COLEC12: variants seen among roughly 807,000 people sequenced by gnomAD.
COLEC12 encodes the protein collectin subfamily member 12.
Under a neutral mutation model 71.1 loss-of-function variants are expected in COLEC12, and 33 were observed. The observed-to-expected ratio is 0.46, with a 90% CI of 0.35 to 0.62. COLEC12 has a LOEUF of 0.62. COLEC12 is among the 20% of genes least tolerant of loss of function. The pLI, the probability that COLEC12 is intolerant of heterozygous loss-of-function variation, is 0.00. For missense variants in COLEC12, 765 were observed against 916.1 expected (o/e 0.84, Z 2.13); for synonymous variants, 350 against 353.0 (o/e 0.99, Z 0.10).
intron 2 of COLEC12, among the ~76,000 whole-genome samples, chr18:472,701 A>AAAAAAAAG (rs1555622344): frequency 6.9e-6 from 1 of 144,182 alleles, no homozygotes; most frequent in African/African-American, 2.6e-5. Flanking sequence ...AAAAAAAAAA[A>AAAAAAAAG]AAGAAGAAGA....
intron 2 of COLEC12, among the ~76,000 whole-genome samples, chr18:446,622 T>C (rs771297990): frequency 4.5e-4 from 68 of 151,424 alleles, no homozygotes; most frequent in Non-Finnish European, 7.2e-4. Context: ...GGTGGGAGAA[T>C]TGCTCGAGCC....
In COLEC12 at chr18:444,197, G is replaced by A. The variant is rs539187550; in HGVS notation, c.58+36510C>T. On this transcript the variant is annotated intron_variant, in intron 2 of 9. Transcript: ENST00000400256. ...AAACAAGTATGAGCAAGTATCCTTCGGAATGCACATATTTATTTATAAATT... is the reference window on the plus strand; with the variant it reads ...AAACAAGTATGAGCAAGTATCCTTCAGAATGCACATATTTATTTATAAATT... 7.9e-5 allele frequency among the ~76,000 whole-genome samples: 12 copies of A among 152,104 alleles called. No individual in the cohort carries two copies. In the South Asian group the frequency reaches 1.5e-3, roughly 18 times the overall value.
chr18:455,109 G>T (rs1916838171), intron 2 of COLEC12, among the ~76,000 whole-genome samples: 1 of 152,102 alleles, frequency 6.6e-6, no homozygotes, highest in Non-Finnish European at 1.5e-5. Flanking sequence ...CTTCAAGAAG[G>T]CCAGAGAGAA....
intron 1 of COLEC12, among the ~76,000 whole-genome samples, chr18:486,626 A>G (rs1015819338): frequency 1.3e-5 from 2 of 152,226 alleles, no homozygotes; most frequent in African/African-American, 4.8e-5. Flanking sequence ...GTTCCACACC[A>G]TGATGGTGAC....
intron 1 of COLEC12, among the ~76,000 whole-genome samples, chr18:482,145 T>C (rs560637616): frequency 6.6e-6 from 1 of 151,018 alleles, no homozygotes; most frequent in African/African-American, 2.4e-5. Context: ...AGATGGAATA[T>C]CGCTCTGTTG....
At chr18:365,721 CA>C (rs1182479265) in intron 2 of COLEC12, among the ~76,000 whole-genome samples, 4 of 152,106 alleles carry the variant, frequency 2.6e-5, no homozygotes, top group Non-Finnish European at 5.9e-5. Context: ...AATACACTGG[CA>C]AAAAATATTT....
At chr18:488,457 A>T (rs1006572365) in intron 1 of COLEC12, among the ~76,000 whole-genome samples, 6 of 152,188 alleles carry the variant, frequency 3.9e-5, no homozygotes, top group African/African-American at 1.4e-4. Flanking sequence ...AAATATGATC[A>T]CAGAAATAAA....
intron 3 of COLEC12, among the ~76,000 whole-genome samples, chr18:356,803 C>T (rs1014198722): frequency 6.6e-6 from 1 of 152,178 alleles, no homozygotes; most frequent in African/African-American, 2.4e-5. Context: ...AAAAATCCTG[C>T]CCTTACCCTA....
At chr18:371,244 T>TA (rs1190329138) in intron 2 of COLEC12, among the ~76,000 whole-genome samples, 2 of 152,238 alleles carry the variant, frequency 1.3e-5, no homozygotes, top group Non-Finnish European at 2.9e-5. Context: ...AGAACTGTGG[T>TA]AATGACAGTG....
intron 8 of COLEC12, 85 bp from the exon 9 acceptor site, chr18:321,892 A>G (rs1913715070): frequency 7.7e-7 from 1 of 1,304,206 alleles, no homozygotes; most frequent in Non-Finnish European, 1.1e-6. Context: ...ATATAAAAAA[A>G]CAAAATTGAA....
intron 2 of COLEC12, among the ~76,000 whole-genome samples, chr18:468,553 A>G (rs1227257580): frequency 1.3e-5 from 2 of 152,238 alleles, no homozygotes; most frequent in Non-Finnish European, 2.9e-5. Context: ...CACAGAGTGT[A>G]TATTCACATA....
At chr18:472,071 G>A (rs1038413117) in intron 2 of COLEC12, among the ~76,000 whole-genome samples, 4 of 152,156 alleles carry the variant, frequency 2.6e-5, no homozygotes, top group Non-Finnish European at 4.4e-5. Flanking sequence ...CTAGGTGCAA[G>A]GCACTACTCT....
At position 346,776 on chromosome 18, in the gene COLEC12, G is replaced by A. The variant is rs774671968; in HGVS notation, c.846C>T (p.Thr282=). The change falls in exon 5 of 10, where the codon ACC becomes ACT. Residue 282 remains threonine (T), a synonymous_variant. Transcript: ENST00000400256. The surrounding 1 kb of genome is among the most constrained non-coding windows in gnomAD (Gnocchi z 4.0). ...NSALAKANND[T]LEDMNSQLNS... ...TGAGCTGGCTGTTCATATCCTCCAG[G>A]GTGTCGTTGTTGGCTTTGGCCAACG... 2.5e-6 allele frequency: 4 copies of A among 1,614,214 alleles called. No homozygotes were observed. In the South Asian group the frequency reaches 4.4e-5, roughly 18 times the overall value.
chr18:354,755 C>G (rs1914593863), intron 3 of COLEC12, among the ~76,000 whole-genome samples: 1 of 151,856 alleles, frequency 6.6e-6, no homozygotes, highest in South Asian at 2.1e-4. Flanking sequence ...GTTGTATTAT[C>G]TTTTTTTTGG....
chr18:468,598 AT>A (rs746799006), intron 2 of COLEC12, among the ~76,000 whole-genome samples: 51 of 152,024 alleles, frequency 3.4e-4, no homozygotes, highest in African/African-American at 1.2e-3. Flanking sequence ...TGCTGAACTC[AT>A]TTTTTTTGGT....
chr18:452,706 T>C (rs1664950453), intron 2 of COLEC12, among the ~76,000 whole-genome samples: 1 of 152,216 alleles, frequency 6.6e-6, no homozygotes, highest in Non-Finnish European at 1.5e-5. Context: ...GACCCAAAGA[T>C]GGGCTCTCCA....
At chr18:427,486 G>A (rs2143666205) in intron 2 of COLEC12, among the ~76,000 whole-genome samples, 1 of 152,318 alleles carries the variant, frequency 6.6e-6, no homozygotes, top group African/African-American at 2.4e-5. Flanking sequence ...TTGATGGGCA[G>A]AGCTGACCTG....
chr18:497,383 G>GGGGTGTGTGT (rs373079894), intron 1 of COLEC12, among the ~76,000 whole-genome samples: 5 of 147,160 alleles, frequency 3.4e-5, no homozygotes, highest in Admixed American at 2.7e-4. Flanking sequence ...TAAAGAATGG[G>GGGGTGTGTGT]GTGTGTGTGT....
chr18:486,406 A>G (rs1917519326), intron 1 of COLEC12, among the ~76,000 whole-genome samples: 1 of 152,168 alleles, frequency 6.6e-6, no homozygotes. Context: ...GCTGGCCTCA[A>G]ACTCCTGGTC....
Sources: allele counts gnomAD v4.1 joint callset (sites outside exome capture counted in the v4.1 genomes callset), GRCh38; gene constraint gnomAD v4.1.1; non-coding constraint Gnocchi (gnomAD v3.1); transcripts MANE v1.5; gene names NCBI Gene and HGNC (gene_info 2026-07-23, HGNC 2026-07-21).